The following TGFBR3 variants were observed in gnomAD, a reference collection of about 807,000 sequenced individuals.
TGFBR3 encodes the protein transforming growth factor beta receptor type 3.
A neutral mutation model predicts 87.9 loss-of-function variants in TGFBR3; 46 were observed. The observed-to-expected ratio is 0.52, with a 90% confidence interval of 0.41 to 0.67. The LOEUF (loss-of-function observed/expected upper bound fraction) is 0.67. Ranked by LOEUF, TGFBR3 falls within the 30% of genes least tolerant of loss-of-function variation. The probability of loss-of-function intolerance (pLI) is 0.00; values close to 1 mark genes in which losing one functional copy is unlikely to be tolerated. For missense variants in TGFBR3, 866 were observed against 1,041.9 expected (o/e 0.83, Z 2.32); for synonymous variants, 381 against 391.6 (o/e 0.97, Z 0.32).
intron 4 of TGFBR3, among the ~76,000 whole-genome samples, chr1:91,755,506 T>A (rs547203218): frequency 7.5e-4 from 114 of 152,322 alleles, no homozygotes; most frequent in African/African-American, 2.7e-3. Context: ...TCAGGTGTCC[T>A]GGAATTTAAA....
Position 91,729,885 on chromosome 1 carries a change from T to G in TGFBR3, c.657A>C (p.Glu219Asp), listed in dbSNP as rs1356885468. The G allele has an allele frequency of 6.2e-7, 1 of 1,614,192 alleles. No homozygotes were observed. The highest frequency in any genetic ancestry group is 2.2e-5 in the East Asian group (1 of 44,876). ...LAEYLQPKAAEGCVMSSQPQN... is the reference protein window; with the variant it reads ...LAEYLQPKAADGCVMSSQPQN... ...GGGGCTGGCTGGACATCACACACCC[T>G]TCTGCTGCTTTGGGTTGAAGGTACT... is the stretch of plus-strand genomic sequence containing the variant. The change falls in exon 6 of 17, where the codon GAA becomes GAC. Residue 219 changes from glutamate (E) to aspartate (D), a missense_variant. Physicochemically the swap from Glu to Asp is conservative, Grantham distance 45. Transcript: ENST00000212355.
chr1:91,841,902 C>A (rs1446304616), intron 2 of TGFBR3, among the ~76,000 whole-genome samples: 1 of 151,508 alleles, frequency 6.6e-6, no homozygotes, highest in African/African-American at 2.4e-5. Flanking sequence ...AGTTCGAGAC[C>A]AGCCTGGGCA....
chr1:91,791,182 A>G (rs1274801110), intron 3 of TGFBR3, among the ~76,000 whole-genome samples: 1 of 152,228 alleles, frequency 6.6e-6, no homozygotes, highest in African/African-American at 2.4e-5. Flanking sequence ...CTTACCACAC[A>G]GTTAAAACAA....
intron 4 of TGFBR3, among the ~76,000 whole-genome samples, chr1:91,747,805 C>T (rs562790520): frequency 3.1e-3 from 475 of 152,346 alleles, no homozygotes; most frequent in Non-Finnish European, 5.3e-3. Context: ...ACACCCAAGG[C>T]TTCCCTGAGG....
chr1:91,857,767 C>G (rs1678017686), intron 2 of TGFBR3, among the ~76,000 whole-genome samples: 1 of 152,212 alleles, frequency 6.6e-6, no homozygotes, highest in South Asian at 2.1e-4. Flanking sequence ...AGCAAGATCC[C>G]ATCTCTCCAA....
intron 2 of TGFBR3, among the ~76,000 whole-genome samples, chr1:91,816,782 G>C (rs1481804480): frequency 2.0e-5 from 3 of 152,072 alleles, no homozygotes; most frequent in Non-Finnish European, 2.9e-5. Context: ...AAGAAATTTA[G>C]TTATATACAT....
At chr1:91,856,207 C>A (rs1677944708) in intron 2 of TGFBR3, among the ~76,000 whole-genome samples, 1 of 152,154 alleles carries the variant, frequency 6.6e-6, no homozygotes, top group South Asian at 2.1e-4. Context: ...GGACTACAGG[C>A]GTCCGCCACC....
intron 2 of TGFBR3, among the ~76,000 whole-genome samples, chr1:91,833,743 G>A (rs1029918387): frequency 2.0e-5 from 3 of 151,452 alleles, no homozygotes; most frequent in Non-Finnish European, 4.4e-5. Context: ...TGGTGCTACT[G>A]CAGTCCAGCC....
At chr1:91,841,763 C>T (rs907087122) in intron 2 of TGFBR3, among the ~76,000 whole-genome samples, 14 of 142,246 alleles carry the variant, frequency 9.8e-5, no homozygotes, top group Admixed American at 4.7e-4. Context: ...CACTGCACTC[C>T]AGCCTGGGCA....
chr1:91,705,401 T>G (rs891683612), intron 14 of TGFBR3, among the ~76,000 whole-genome samples: 7 of 150,634 alleles, frequency 4.6e-5, no homozygotes, highest in Non-Finnish European at 1.0e-4. Flanking sequence ...TTTTTTTGGT[T>G]TTTTTTTTAG....
intron 1 of TGFBR3, 139 bp from the exon 2 acceptor site, chr1:91,861,783 T>A (rs2101195457): frequency 2.0e-6 from 1 of 495,310 alleles, no homozygotes; most frequent in East Asian, 3.9e-5. Flanking sequence ...TCAAGCAAAC[T>A]AGACTGAGGG....
intron 14 of TGFBR3, among the ~76,000 whole-genome samples, chr1:91,698,513 CTTTTTTTTTT>C: frequency 8.3e-6 from 1 of 120,726 alleles, no homozygotes; most frequent in South Asian, 2.8e-4. Context: ...TCAAAATATT[CTTTTTTTTTT>C]TTTTTTTTTG....
intron 1 of TGFBR3, among the ~76,000 whole-genome samples, chr1:91,876,931 C>T (rs1678833243): frequency 6.6e-6 from 1 of 151,618 alleles, no homozygotes; most frequent in African/African-American, 2.4e-5. Flanking sequence ...CCCAAATGAT[C>T]ATTTTTCTTG....
intron 2 of TGFBR3, among the ~76,000 whole-genome samples, chr1:91,895,801 T>G (rs1046228821): frequency 6.6e-6 from 1 of 152,244 alleles, no homozygotes; most frequent in Non-Finnish European, 1.5e-5. Flanking sequence ...TCTTGATTCT[T>G]GCACACACAT....
rs184227720 is a variant in TGFBR3, at chr1:91,755,352, G to A, written c.384+3261C>T. On this transcript the variant is annotated intron_variant, in intron 4 of 16. Coordinates refer to ENST00000212355, the MANE Select transcript of TGFBR3 (RefSeq NM_003243.5). ...AGGAGAGTGGCCCAGCTTGTGCAAGGACTTGCATCACTCGTTGTCTGCTGA... is the reference window on the plus strand; with the variant it reads ...AGGAGAGTGGCCCAGCTTGTGCAAGAACTTGCATCACTCGTTGTCTGCTGA... Among the ~76,000 whole-genome samples, 247 of 152,128 alleles carry A rather than the reference G, an allele frequency of 1.6e-3. 1 individual carries two copies. Among genetic ancestry groups the A allele is most frequent in the African/African-American group, 5.8e-3 (239 of 41,496 alleles).
At chr1:91,766,231 C>CTTGCTATG (rs1474011900) in intron 3 of TGFBR3, among the ~76,000 whole-genome samples, 5 of 115,520 alleles carry the variant, frequency 4.3e-5, no homozygotes, top group Non-Finnish European at 8.4e-5. Context: ...GAGACAGGGT[C>CTTGCTATG]TTGCTATGTT....
rs185915486 is a variant in TGFBR3 at position 91,798,838 on chromosome 1, G to T, written c.62-1367C>A. On this transcript the variant is annotated intron_variant, in intron 2 of 16. Coordinates refer to ENST00000212355, the MANE Select transcript of TGFBR3 (RefSeq NM_003243.5). ...TCAGTGAGTAGGGCACCATTCCAGG[G>T]ACTTGGATTTGGCTGTAGGGAATAA... Among the ~76,000 whole-genome samples the T allele has an allele frequency of 5.3e-5, 8 of 152,324 alleles. No individual in the cohort carries two copies. The East Asian group carries it at 1.5e-3, about 29-fold the overall frequency.
intron 3 of TGFBR3, among the ~76,000 whole-genome samples, chr1:91,770,140 G>T (rs771953157): frequency 6.6e-6 from 1 of 151,674 alleles, no homozygotes; most frequent in Non-Finnish European, 1.5e-5. Context: ...TTTCAAATTT[G>T]CTCTAAGAGC....
At chr1:91,855,410 C>T (rs930039275) in intron 2 of TGFBR3, among the ~76,000 whole-genome samples, 3 of 152,188 alleles carry the variant, frequency 2.0e-5, no homozygotes, top group Non-Finnish European at 4.4e-5. Flanking sequence ...AAACTGATTT[C>T]CCTGAATTCT....
Sources: allele counts gnomAD v4.1 joint callset (sites outside exome capture counted in the v4.1 genomes callset), GRCh38; gene constraint gnomAD v4.1.1; transcripts MANE v1.5; gene names NCBI Gene and HGNC (gene_info 2026-07-23, HGNC 2026-07-21).